Variants in PTPRG observed in about 807,000 individuals in gnomAD.
PTPRG encodes the protein receptor-type tyrosine-protein phosphatase gamma.
PTPRG carries 102 observed loss-of-function variants against 165.3 expected under a neutral mutation model. The observed-to-expected ratio is 0.62, with a 90% confidence interval of 0.53 to 0.73. PTPRG has a LOEUF of 0.73. PTPRG is among the 30% of genes least tolerant of loss of function. The pLI, the probability that PTPRG is intolerant of heterozygous loss-of-function variation, is 0.00. For missense variants in PTPRG, 1,866 were observed against 1,861.4 expected, an observed-to-expected ratio of 1.00 and a Z score of -0.05; for synonymous variants, 675 against 669.5, an observed-to-expected ratio of 1.01 and a Z score of -0.13.
At chr3:61,582,374 C>A (rs1338026226) in intron 1 of PTPRG, among the ~76,000 whole-genome samples, 1 of 152,158 alleles carries the variant, frequency 6.6e-6, no homozygotes, top group African/African-American at 2.4e-5. Flanking sequence ...AGAGTAGCAA[C>A]CACATGTAGC....
chr3:61,759,613 A>C (rs2106959727), intron 2 of PTPRG, among the ~76,000 whole-genome samples: 1 of 152,274 alleles, frequency 6.6e-6, no homozygotes, highest in East Asian at 1.9e-4. Context: ...TGATCACACC[A>C]CTGCATTCCC....
Position 61,659,037 on chromosome 3 carries a change from T to TCCTGCC in PTPRG, c.86-89818_86-89813dup, listed in dbSNP as rs57281372. Among the ~76,000 whole-genome samples the TCCTGCC allele has an allele frequency of 1.1e-3, 161 of 151,848 alleles. 2 individuals carry two copies. The highest frequency in any genetic ancestry group is 3.6e-3 in the African/African-American group (151 of 41,434). On this transcript the variant is annotated intron_variant, in intron 1 of 29. Coordinates refer to ENST00000474889, the MANE Select transcript of PTPRG (RefSeq NM_002841.4). The stretch of plus-strand genomic sequence containing the variant: ...TAGGAGCATGAGTTCGGCTGTTTTC[T>TCCTGCC]CCTGCCCCTGCCCCTGCCCCTGCCC...
intron 1 of PTPRG, among the ~76,000 whole-genome samples, chr3:61,628,566 T>C (rs995552583): frequency 6.6e-6 from 1 of 152,158 alleles, no homozygotes; most frequent in Non-Finnish European, 1.5e-5. Context: ...ACTTCTGACC[T>C]CAGGTGATCC....
chr3:61,627,244 G>A (rs1701638347), intron 1 of PTPRG, among the ~76,000 whole-genome samples: 1 of 152,112 alleles, frequency 6.6e-6, no homozygotes, highest in African/African-American at 2.4e-5. Flanking sequence ...GACAGATGCT[G>A]CATTAGTTAT....
intron 1 of PTPRG, among the ~76,000 whole-genome samples, chr3:61,631,570 C>T (rs539286730): frequency 3.9e-5 from 6 of 152,312 alleles, no homozygotes; most frequent in Admixed American, 3.3e-4. Flanking sequence ...CAGGCATCCA[C>T]TAGGGGTCTC....
intron 6 of PTPRG, among the ~76,000 whole-genome samples, chr3:62,148,195 G>A (rs927330827): frequency 3.3e-5 from 5 of 152,042 alleles, no homozygotes; most frequent in Non-Finnish European, 7.4e-5. Context: ...GGGCTCAGGC[G>A]GTGACATTTG....
At chr3:62,099,924 G>C (rs1410919040) in intron 5 of PTPRG, among the ~76,000 whole-genome samples, 2 of 150,708 alleles carry the variant, frequency 1.3e-5, no homozygotes, top group Non-Finnish European at 2.9e-5. Flanking sequence ...TCAGCCTCCG[G>C]AGTAGCTGGG....
In PTPRG at chr3:61,766,070, T is replaced by C. The variant is rs62243162; in HGVS notation, c.190+17088T>C. On this transcript the variant is annotated intron_variant, in intron 2 of 29. Coordinates refer to ENST00000474889, the MANE Select transcript of PTPRG (RefSeq NM_002841.4). ...AAAACGTCTAATATATCTATCTCAA[T>C]ACTCCTATTGCAGGTCTACGAGGAG... Among the ~76,000 whole-genome samples, 525 of 152,362 alleles carry C rather than the reference T, an allele frequency of 3.4e-3. 2 individuals are homozygous for C. Among genetic ancestry groups the C allele is most frequent in the Admixed American group, 0.015 (233 of 15,294 alleles).
At chr3:62,045,793 G>T (rs905107517) in intron 4 of PTPRG, among the ~76,000 whole-genome samples, 1 of 152,160 alleles carries the variant, frequency 6.6e-6, no homozygotes, top group Non-Finnish European at 1.5e-5. Context: ...ATTGAAAATG[G>T]CACTCAAGCT....
In PTPRG at chr3:62,296,781, T is replaced by C. The variant is rs1270578430; in HGVS notation, c.*3474T>C. The stretch of plus-strand genomic sequence containing the variant: ...GCATGCTACAAATAGGAAGGAATTG[T>C]AATAATGATATTTGGCCTCTACTTT... On this transcript the variant is annotated 3_prime_UTR_variant, in exon 30 of 30. Transcript: ENST00000474889. 6.6e-6 allele frequency: 1 copy of C among 152,062 alleles called. No individual in the cohort carries two copies. Among genetic ancestry groups the C allele is most frequent in the East Asian group, 1.9e-4 (1 of 5,196 alleles). The allele number at this position is 152,062 out of a possible 1,614,324, so 9.4% of individuals were successfully genotyped here.
chr3:61,820,642 G>T (rs984807949), intron 2 of PTPRG, among the ~76,000 whole-genome samples: 1 of 129,642 alleles, frequency 7.7e-6, no homozygotes, highest in African/African-American at 3.4e-5. Context: ...TGTGGCTTTA[G>T]GGATAAAACA....
intron 1 of PTPRG, among the ~76,000 whole-genome samples, chr3:61,657,171 TG>T (rs1022126156): frequency 2.0e-5 from 3 of 151,930 alleles, no homozygotes; most frequent in African/African-American, 7.3e-5. Flanking sequence ...TAATAAACTG[TG>T]GGGGTGGAGG....
Position 62,267,415 on chromosome 3 carries a change from C to T in PTPRG, c.2662C>T (p.His888Tyr), listed in dbSNP as rs765854984. Residue 888 changes from histidine to tyrosine, a missense_variant, in exon 18 of 30, where the codon CAC becomes TAC. Around this residue, in one of 3 missense-constraint regions of PTPRG, gnomAD observed 1,452 missense variants for 1,463.0 expected, o/e 0.99. Coordinates refer to ENST00000474889, the MANE Select transcript of PTPRG (RefSeq NM_002841.4). ...TTTTTTCTTATCTTCTATAGATGATCACAGTAGGGTGAAGTTAAGACCTTT... is the reference window on the plus strand; with the variant it reads ...TTTTTTCTTATCTTCTATAGATGATTACAGTAGGGTGAAGTTAAGACCTTT... ...NRYINILAYD[H>Y]SRVKLRPLPG... 1 of 1,597,848 alleles carries T rather than the reference C, an allele frequency of 6.3e-7. No individual in the cohort carries two copies. Among genetic ancestry groups the T allele is most frequent in the South Asian group, 1.1e-5 (1 of 89,258 alleles).
chr3:61,856,843 A>G (rs1471824924), intron 2 of PTPRG, among the ~76,000 whole-genome samples: 2 of 152,198 alleles, frequency 1.3e-5, no homozygotes, highest in Non-Finnish European at 2.9e-5. Flanking sequence ...GGACAGGTAG[A>G]ATTAGCCCAT....
chr3:62,023,521 C>T (rs1029732951), intron 4 of PTPRG, among the ~76,000 whole-genome samples: 1 of 152,086 alleles, frequency 6.6e-6, no homozygotes, highest in Non-Finnish European at 1.5e-5. Flanking sequence ...TTTCTTATTC[C>T]TATGCACTCC....
intron 5 of PTPRG, among the ~76,000 whole-genome samples, chr3:62,079,952 G>A (rs1420265291): frequency 6.6e-6 from 1 of 152,056 alleles, no homozygotes; most frequent in African/African-American, 2.4e-5. Context: ...CCATGTTTCT[G>A]TGGGATGGAG....
intron 13 of PTPRG, among the ~76,000 whole-genome samples, chr3:62,225,029 A>ATTGTGTGCC (rs1700729131): frequency 6.6e-6 from 1 of 152,196 alleles, no homozygotes; most frequent in Admixed American, 6.5e-5. Flanking sequence ...ATGGCACCCT[A>ATTGTGTGCC]TTGTGTGCCT....
At chr3:61,982,910 T>C (rs1445799951) in intron 2 of PTPRG, among the ~76,000 whole-genome samples, 1 of 152,212 alleles carries the variant, frequency 6.6e-6, no homozygotes, top group East Asian at 1.9e-4. Flanking sequence ...ATATTACTTC[T>C]GGTATTATGG....
chr3:61,780,778 C>G (rs1283561894), intron 2 of PTPRG, among the ~76,000 whole-genome samples: 3 of 152,192 alleles, frequency 2.0e-5, no homozygotes, highest in African/African-American at 7.2e-5. Flanking sequence ...ATTTGAAAAA[C>G]TTAATTCTTA....
Sources: gnomAD v4.1 joint callset for allele counts (sites outside exome capture counted in the v4.1 genomes callset) on GRCh38, gnomAD v4.1.1 for gene constraint, gnomAD v4.1.1 regional missense constraint, MANE v1.5 for transcripts, NCBI Gene and HGNC (gene_info 2026-07-23, HGNC 2026-07-21) for gene names.